AKT3: variants seen among roughly 807,000 people sequenced by gnomAD.
AKT3 encodes the protein RAC-gamma serine/threonine-protein kinase.
In AKT3, 15 loss-of-function variants were observed where a neutral mutation model predicts 65.3. The ratio of observed to expected loss-of-function variants is 0.23; its 90% CI spans 0.15 to 0.35. The LOEUF is 0.35. AKT3 is among the 10% of genes least tolerant of loss of function. The probability of loss-of-function intolerance (pLI) is 1.00; values close to 1 mark genes in which losing one functional copy is unlikely to be tolerated. For synonymous variants in AKT3, 206 were observed against 183.8 expected (o/e 1.12, Z -0.98); for missense variants, 243 against 576.5 (o/e 0.42, Z 5.92).
chr1:243,827,932 A>C (rs777264355), intron 2 of AKT3, among the ~76,000 whole-genome samples: 1 of 152,170 alleles, frequency 6.6e-6, no homozygotes, highest in Non-Finnish European at 1.5e-5. Flanking sequence ...CCTCTTTTAC[A>C]CTGGTCTTCT....
chr1:243,675,160 AAATAAAC>A (rs1476052977), intron 3 of AKT3, among the ~76,000 whole-genome samples: 3 of 152,214 alleles, frequency 2.0e-5, no homozygotes, highest in African/African-American at 7.2e-5. Context: ...TACCACAGTG[AAATAAAC>A]AATAAACATA....
At position 243,844,857 on chromosome 1, in the gene AKT3, T is replaced by C. The variant is rs1695443537; in HGVS notation, c.-112-1575A>G. ...CAATGAGTTTTACAGGGTCATTGCT[T>C]ATTGTCACTCTCAAACTAAAAAGGA... On this transcript the variant is annotated intron_variant, in intron 1 of 13. Transcript: ENST00000673466. Among the ~76,000 whole-genome samples, 3 of 152,172 alleles carry C rather than the reference T, an allele frequency of 2.0e-5. No individual in the cohort carries two copies. The South Asian group carries it at 6.2e-4, about 31-fold the overall frequency.
chr1:243,554,972 G>T (rs1015368222), intron 10 of AKT3, among the ~76,000 whole-genome samples: 4 of 151,666 alleles, frequency 2.6e-5, no homozygotes, highest in Non-Finnish European at 4.4e-5. Flanking sequence ...TTGAAGAGAA[G>T]TAAGCAACTG....
At chr1:243,695,838 T>A in intron 2 of AKT3, 122 bp from the exon 3 acceptor site, 2 of 794,824 alleles carry the variant, frequency 2.5e-6, no homozygotes, top group South Asian at 4.5e-5. Flanking sequence ...AGTTACTCAA[T>A]TTTCTTTTAA....
intron 8 of AKT3, among the ~76,000 whole-genome samples, chr1:243,592,744 C>G (rs1335594561): frequency 6.6e-6 from 1 of 152,040 alleles, no homozygotes; most frequent in African/African-American, 2.4e-5. Flanking sequence ...ACATGGAAAA[C>G]AGGATCTACC....
At chr1:243,807,058 C>G (rs1042611218) in intron 2 of AKT3, among the ~76,000 whole-genome samples, 2 of 152,140 alleles carry the variant, frequency 1.3e-5, no homozygotes, top group African/African-American at 4.8e-5. Context: ...GGGAGCAGTT[C>G]CAAGATGGCC....
intron 2 of AKT3, among the ~76,000 whole-genome samples, chr1:243,819,539 G>C (rs915527596): frequency 6.6e-6 from 1 of 152,212 alleles, no homozygotes. Context: ...TGTCTCTGTG[G>C]ATCAGCAGAC....
chr1:243,536,028 C>T lies in AKT3; in HGVS notation c.1251+9482G>A, dbSNP rs537340619. Among the ~76,000 whole-genome samples, 36 of 152,090 alleles carry T rather than the reference C, an allele frequency of 2.4e-4. 1 individual carries two copies. Among genetic ancestry groups the T allele is most frequent in the Admixed American group, 1.2e-3 (18 of 15,270 alleles). On this transcript the variant is annotated intron_variant, in intron 12 of 13. Transcript: ENST00000673466. ...TTGGCCATTTGCACATATTTTCTTT[C>T]GAGAAATGTGTATTCATGTTGCTTG...
intron 5 of AKT3, among the ~76,000 whole-genome samples, chr1:243,645,468 C>T (rs1193718438): frequency 6.6e-6 from 1 of 152,174 alleles, no homozygotes; most frequent in African/African-American, 2.4e-5. Flanking sequence ...TTCCTGCTGA[C>T]TTTACTATGA....
chr1:243,760,707 G>A (rs1689440033), intron 2 of AKT3, among the ~76,000 whole-genome samples: 1 of 152,064 alleles, frequency 6.6e-6, no homozygotes. Context: ...AGTATTTAGT[G>A]CCATGTTTTT....
chr1:243,839,237 G>A (rs1269586990), intron 2 of AKT3, among the ~76,000 whole-genome samples: 1 of 152,000 alleles, frequency 6.6e-6, no homozygotes, highest in African/African-American at 2.4e-5. Context: ...TACCTTCATA[G>A]CAAATATTAC....
At chr1:243,730,845 T>C (rs1687513692) in intron 2 of AKT3, among the ~76,000 whole-genome samples, 1 of 152,204 alleles carries the variant, frequency 6.6e-6, no homozygotes, top group East Asian at 1.9e-4. Context: ...CTACGTGTGG[T>C]ACGCCTGCTC....
intron 8 of AKT3, among the ~76,000 whole-genome samples, chr1:243,600,967 G>A (rs1676961506): frequency 6.6e-6 from 1 of 152,022 alleles, no homozygotes; most frequent in African/African-American, 2.4e-5. Flanking sequence ...GACATGCGAG[G>A]CTCTGTTGTG....
chr1:243,613,271 T>A (rs890588776), intron 8 of AKT3, among the ~76,000 whole-genome samples: 1 of 151,536 alleles, frequency 6.6e-6, no homozygotes, highest in African/African-American at 2.4e-5. Flanking sequence ...GCCCATGGAC[T>A]ATTGTTCCAC....
intron 2 of AKT3, among the ~76,000 whole-genome samples, chr1:243,826,785 T>C (rs927995608): frequency 1.3e-5 from 2 of 152,246 alleles, no homozygotes; most frequent in Admixed American, 6.5e-5. Context: ...AGGTTTTCTG[T>C]TATTTTCAGC....
chr1:243,781,096 A>G (rs1690881609), intron 2 of AKT3, among the ~76,000 whole-genome samples: 1 of 152,098 alleles, frequency 6.6e-6, no homozygotes. Flanking sequence ...ATAGAGCTAT[A>G]CAGCCTTCTA....
At chr1:243,723,663 T>C (rs374513654) in intron 2 of AKT3, among the ~76,000 whole-genome samples, 8 of 152,166 alleles carry the variant, frequency 5.3e-5, no homozygotes, top group African/African-American at 1.9e-4. Context: ...CTGTGATTCA[T>C]GCATGTAATC....
chr1:243,747,591 T>C (rs542780518), intron 2 of AKT3, among the ~76,000 whole-genome samples: 1 of 152,150 alleles, frequency 6.6e-6, no homozygotes, highest in Non-Finnish European at 1.5e-5. Context: ...ATGACTTCTT[T>C]CCCAAGACAC....
chr1:243,800,429 G>A (rs998452154), intron 2 of AKT3, among the ~76,000 whole-genome samples: 2 of 152,230 alleles, frequency 1.3e-5, no homozygotes, highest in Non-Finnish European at 2.9e-5. Flanking sequence ...ATTTAAGGAA[G>A]AGATTATGGG....
Sources: gnomAD v4.1 joint callset for allele counts (sites outside exome capture counted in the v4.1 genomes callset) on GRCh38, gnomAD v4.1.1 for gene constraint, MANE v1.5 for transcripts, NCBI Gene and HGNC (gene_info 2026-07-23, HGNC 2026-07-21) for gene names.